IFITM10: variants seen among roughly 807,000 people sequenced by gnomAD.
The protein encoded by IFITM10 is interferon induced transmembrane protein 10, also known as interferon-induced transmembrane protein 10.
IFITM10 carries 17 observed loss-of-function variants against 19.0 expected under a neutral mutation model. The observed-to-expected ratio is 0.90, with a 90% CI of 0.61 to 1.34. The LOEUF (loss-of-function observed/expected upper bound fraction) is 1.34. Ranked by LOEUF, IFITM10 falls within the 40% of genes most tolerant of loss-of-function variation. The pLI, the probability that IFITM10 is intolerant of heterozygous loss-of-function variation, is 0.00. For synonymous variants in IFITM10, 148 were observed against 147.2 expected, an observed-to-expected ratio of 1.01 and a Z score of -0.04; for missense variants, 306 against 319.8, an observed-to-expected ratio of 0.96 and a Z score of 0.33.
chr11:1,750,213 C>A (rs989843446), intron 1 of IFITM10, 146 bp downstream of exon 1: 22 of 1,425,136 alleles, frequency 1.5e-5, no homozygotes, highest in Non-Finnish European at 2.0e-5. Context: ...CTCACTCTCA[C>A]GGTATGCTTG....
chr11:1,737,999 A>G (rs1851104634), intron 2 of IFITM10, among the ~76,000 whole-genome samples: 3 of 152,104 alleles, frequency 2.0e-5, no homozygotes, highest in Admixed American at 6.6e-5. Context: ...TTGGGTGCAT[A>G]GAAAATGGCG....
chr11:1,749,559 C>G (rs560441636), intron 1 of IFITM10, among the ~76,000 whole-genome samples: 2 of 152,072 alleles, frequency 1.3e-5, no homozygotes, highest in South Asian at 4.1e-4. Context: ...ACCCCAGCGC[C>G]TGGGCCCTGC....
rs1851038884 is a variant in IFITM10 at position 1,732,540 on chromosome 11, C to G, written c.*2740G>C. The G allele has an allele frequency of 6.6e-6, 1 of 152,388 alleles. No homozygotes were observed. The highest frequency in any genetic ancestry group is 6.5e-5 in the Admixed American group (1 of 15,292). The allele number at this position is 152,388 out of a possible 1,614,324, so 9.4% of individuals were successfully genotyped here. On this transcript the variant is annotated 3_prime_UTR_variant, in exon 3 of 3. Transcript: ENST00000340134. ...CAGGTCAGGCATGAGTACAGACAGG[C>G]AAAGACACAGACTTCGAAGCCAGAG...
chr11:1,749,610 C>A (rs1032115436), intron 1 of IFITM10, among the ~76,000 whole-genome samples: 2 of 151,946 alleles, frequency 1.3e-5, no homozygotes, highest in Non-Finnish European at 2.9e-5. Context: ...GCCCTTCTGG[C>A]CTGTTGACTC....
rs138034267 is a variant in IFITM10 at position 1,734,842 on chromosome 11, G to A, written c.*438C>T. 222 of 167,528 alleles carry A rather than the reference G, an allele frequency of 1.3e-3. No individual in the cohort carries two copies. Among genetic ancestry groups the A allele is most frequent in the Middle Eastern group, 5.9e-3 (2 of 338 alleles). 10.4% of individuals were successfully genotyped at this position (167,528 alleles called of 1,614,324 possible). On this transcript the variant is annotated 3_prime_UTR_variant, in exon 3 of 3. Coordinates refer to ENST00000340134, the MANE Select transcript of IFITM10 (RefSeq NM_001170820.4). ...TTCATTGAAAGTTCACAGACACAAG[G>A]GCTCTGAGCGGGGTCACATCGTGGA...
chr11:1,745,372 C>A (rs1426532226), intron 2 of IFITM10: 1 of 152,234 alleles, frequency 6.6e-6, no homozygotes, highest in African/African-American at 2.4e-5. Flanking sequence ...GCAGCTTCAG[C>A]CCCCCAACAC....
At chr11:1,746,581 T>C (rs1323526321) in intron 2 of IFITM10, 1 of 398,460 alleles carries the variant, frequency 2.5e-6, no homozygotes, top group East Asian at 3.6e-5. Flanking sequence ...GCAATCATGA[T>C]GAGTCAGGAG....
chr11:1,750,581 T>C lies in IFITM10; in HGVS notation c.-139A>G. On this transcript the variant is annotated 5_prime_UTR_variant, in exon 1 of 3. Coordinates refer to ENST00000340134, the MANE Select transcript of IFITM10 (RefSeq NM_001170820.4). ...TCCTGTCTGCCTGCCTGTGCCTGAC[T>C]CTGAACCCTTTCTCTCCCCAAACCT... 9.0e-7 allele frequency: 1 copy of C among 1,106,590 alleles called. No individual in the cohort carries two copies. The highest frequency in any genetic ancestry group is 1.3e-6 in the Non-Finnish European group (1 of 776,122). 68.5% of individuals were successfully genotyped at this position (1,106,590 alleles called of 1,614,324 possible).
intron 2 of IFITM10, among the ~76,000 whole-genome samples, chr11:1,742,364 AT>A (rs1264774455): frequency 1.1e-4 from 17 of 152,202 alleles, no homozygotes; most frequent in African/African-American, 4.1e-4. Context: ...AAAGAAAAAA[AT>A]GAGAGGGAAA....
intron 2 of IFITM10, among the ~76,000 whole-genome samples, chr11:1,738,968 C>A (rs1419083148): frequency 7.0e-6 from 1 of 143,868 alleles, no homozygotes; most frequent in Non-Finnish European, 1.5e-5. Flanking sequence ...GCAGGAGAAT[C>A]GCTTGAACTC....
rs1267145894 is a variant in IFITM10, at chr11:1,735,279, C to T, written c.*1G>A. ...CCGCCAGCAGCCGTGCCTGGCGGGC[C>T]TTAGTAGTCGGTGAGGGGGTACCGC... On this transcript the variant is annotated 3_prime_UTR_variant, in exon 3 of 3. Coordinates refer to ENST00000340134, the MANE Select transcript of IFITM10 (RefSeq NM_001170820.4). 6.4e-7 allele frequency: 1 copy of T among 1,551,654 alleles called. No homozygotes were observed. Among genetic ancestry groups the T allele is most frequent in the Non-Finnish European group, 8.7e-7 (1 of 1,146,938 alleles).
chr11:1,746,530 G>C lies in IFITM10; in HGVS notation c.537+1137C>G, dbSNP rs185216163. 32 of 398,586 alleles carry C rather than the reference G, an allele frequency of 8.0e-5. No individual in the cohort carries two copies. The East Asian group carries it at 1.1e-3, about 14-fold the overall frequency. 24.7% of individuals were successfully genotyped at this position (398,586 alleles called of 1,614,324 possible). On this transcript the variant is annotated intron_variant, in intron 2 of 2. Transcript: ENST00000340134. ...AGCCCAGGGATGGATCCGCAGGCCC[G>C]AGGTTGAAGGTGCCCGTGCCAGTGG...
chr11:1,739,121 T>C (rs537075162), intron 2 of IFITM10, among the ~76,000 whole-genome samples: 1 of 144,580 alleles, frequency 6.9e-6, no homozygotes, highest in Admixed American at 6.9e-5. Context: ...GGACAGGTGG[T>C]TACAGGAATA....
In IFITM10 at chr11:1,733,203, C is replaced by T. The variant is rs1169729547; in HGVS notation, c.*2077G>A. 6.6e-6 allele frequency: 1 copy of T among 152,642 alleles called. No individual in the cohort carries two copies. Among genetic ancestry groups the T allele is most frequent in the African/African-American group, 2.4e-5 (1 of 41,414 alleles). The allele number at this position is 152,642 out of a possible 1,614,324, so 9.5% of individuals were successfully genotyped here. ...TTTCAGCCGCCCCTGGCACTTCTCC[C>T]ACCATCCTCCAAGAGGCTCAATGAC... On this transcript the variant is annotated 3_prime_UTR_variant, in exon 3 of 3. Coordinates refer to ENST00000340134, the MANE Select transcript of IFITM10 (RefSeq NM_001170820.4). The surrounding 1 kb of genome is among the most constrained non-coding windows in gnomAD (Gnocchi z 6.3).
At chr11:1,746,833 C>T in intron 2 of IFITM10, 2 of 398,668 alleles carry the variant, frequency 5.0e-6, no homozygotes, top group Non-Finnish European at 8.8e-6. Context: ...TAAACGTGAG[C>T]CAAGCCCTTC....
At position 1,747,892 on chromosome 11, in the gene IFITM10, G is replaced by C. The variant is rs900898197; in HGVS notation, c.312C>G (p.Phe104Leu). ...TCTTGCTGCTCTTGGACTCCATGGGGAACAGTGTGGGCGCCATCGGGGGAG... is the reference window on the plus strand; with the variant it reads ...TCTTGCTGCTCTTGGACTCCATGGGCAACAGTGTGGGCGCCATCGGGGGAG... Reference protein sequence around the residue: ...SASPPMAPTLFPMESKSSKTD... With the variant: ...SASPPMAPTLLPMESKSSKTD... The change falls in exon 2 of 3, where the codon TTC (phenylalanine) becomes TTG (leucine). Residue 104 changes from phenylalanine to leucine, a missense_variant. Physicochemically the swap from Phe to Leu is conservative, Grantham distance 22 (BLOSUM62 0). Transcript: ENST00000340134. 3.3e-5 allele frequency: 50 copies of C among 1,522,392 alleles called. No individual in the cohort carries two copies. The highest frequency in any genetic ancestry group is 4.4e-5 in the Non-Finnish European group (50 of 1,131,048). 94.3% of individuals were successfully genotyped at this position (1,522,392 alleles called of 1,614,324 possible).
At chr11:1,746,436 T>G in intron 2 of IFITM10, 1 of 397,740 alleles carries the variant, frequency 2.5e-6, no homozygotes, top group East Asian at 3.6e-5. Context: ...ACATGCCCAC[T>G]TATGCAATTA....
Position 1,748,078 on chromosome 11 carries a change from C to T in IFITM10, c.126G>A (p.Pro42=). The change falls in exon 2 of 3, where the codon CCG becomes CCA. Residue 42 remains proline (P), a synonymous_variant. Transcript: ENST00000340134. ...CCTGGGCGCCGTCCGTGGTGCTGGCCGGGTCTCCCAGCGGGGCTGGGCACT... is the reference window on the plus strand; with the variant it reads ...CCTGGGCGCCGTCCGTGGTGCTGGCTGGGTCTCCCAGCGGGGCTGGGCACT... The part of the protein sequence containing the change: ...PGQCPAPLGD[P]ASTTDGAQEA... 1 of 1,412,760 alleles carries T rather than the reference C, an allele frequency of 7.1e-7. No homozygotes were observed. The highest frequency in any genetic ancestry group is 9.2e-7 in the Non-Finnish European group (1 of 1,090,394). The allele number at this position is 1,412,760 out of a possible 1,614,324, so 87.5% of individuals were successfully genotyped here. A position where few individuals can be genotyped will look rare whatever the true frequency, so the allele number is the denominator to read the frequency against.
At chr11:1,738,034 G>C (rs1291055242) in intron 2 of IFITM10, among the ~76,000 whole-genome samples, 1 of 152,094 alleles carries the variant, frequency 6.6e-6, no homozygotes, top group African/African-American at 2.4e-5. Flanking sequence ...AGATAGGGAA[G>C]AGGAGGGTGG....
Sources: gnomAD v4.1 joint callset for allele counts (sites outside exome capture counted in the v4.1 genomes callset) on GRCh38, gnomAD v4.1.1 for gene constraint, Gnocchi (gnomAD v3.1) non-coding constraint, MANE v1.5 for transcripts, NCBI Gene and HGNC (gene_info 2026-07-23, HGNC 2026-07-21) for gene names.